PDLIM5: variants seen among roughly 807,000 people sequenced by gnomAD.
The protein encoded by PDLIM5 is PDZ and LIM domain 5.
PDLIM5 carries 34 observed loss-of-function variants against 64.2 expected under a neutral mutation model. That is an observed-to-expected ratio of 0.53 (90% CI 0.40 to 0.71). The LOEUF (loss-of-function observed/expected upper bound fraction) is 0.71. Among genes scored for constraint, PDLIM5 ranks in the 30% least tolerant of loss-of-function variants. PDLIM5 has a pLI of 0.00. For missense variants in PDLIM5, 683 were observed against 733.6 expected, an observed-to-expected ratio of 0.93 and a Z score of 0.80; for synonymous variants, 253 against 269.1, an observed-to-expected ratio of 0.94 and a Z score of 0.59.
intron 7 of PDLIM5, among the ~76,000 whole-genome samples, chr4:94,599,413 A>G (rs976535415): frequency 1.3e-5 from 2 of 152,190 alleles, no homozygotes; most frequent in African/African-American, 4.8e-5. Context: ...GAGATTGGTC[A>G]GAGTCAATTT....
intron 2 of PDLIM5, among the ~76,000 whole-genome samples, chr4:94,476,575 G>T (rs76870250): frequency 0.016 from 2,425 of 152,258 alleles, 37 homozygotes; most frequent in Non-Finnish European, 0.024. Flanking sequence ...CATTCTTTAT[G>T]TAACAGTACA....
chr4:94,620,716 C>T (rs74336048), intron 8 of PDLIM5, among the ~76,000 whole-genome samples: 4,391 of 151,886 alleles, frequency 0.029, 215 homozygotes, highest in African/African-American at 0.098. Context: ...GTTATTTATA[C>T]AGTCTATTTT....
chr4:94,542,448 T>C (rs1731904819), intron 3 of PDLIM5, among the ~76,000 whole-genome samples: 1 of 152,140 alleles, frequency 6.6e-6, no homozygotes, highest in South Asian at 2.1e-4. Context: ...TACATTTTTT[T>C]CTCATTTGCC....
chr4:94,523,376 T>C (rs1730003924), intron 2 of PDLIM5, among the ~76,000 whole-genome samples: 1 of 152,344 alleles, frequency 6.6e-6, no homozygotes, highest in Middle Eastern at 3.4e-3. Flanking sequence ...GATTGCATTC[T>C]TTTTATTCTG....
chr4:94,620,986 A>ACTTGGAGGCAGGAGAATCG (rs1560746291), intron 8 of PDLIM5, among the ~76,000 whole-genome samples: 1 of 146,246 alleles, frequency 6.8e-6, no homozygotes, highest in African/African-American at 2.5e-5. Flanking sequence ...CAGGAGAATC[A>ACTTGGAGGCAGGAGAATCG]CTTGAACCCA....
chr4:94,508,053 A>G (rs1441493409), intron 2 of PDLIM5, among the ~76,000 whole-genome samples: 1 of 152,246 alleles, frequency 6.6e-6, no homozygotes, highest in Non-Finnish European at 1.5e-5. Context: ...CCACTGCAGT[A>G]GAACAAGAAT....
At chr4:94,536,933 C>T (rs1036064990) in intron 3 of PDLIM5, among the ~76,000 whole-genome samples, 3 of 152,112 alleles carry the variant, frequency 2.0e-5, no homozygotes, top group South Asian at 2.1e-4. Context: ...ATGCAAAACA[C>T]GGCAGAGTAT....
chr4:94,531,254 T>C (rs1422279712), intron 3 of PDLIM5, among the ~76,000 whole-genome samples: 1 of 152,198 alleles, frequency 6.6e-6, no homozygotes, highest in Non-Finnish European at 1.5e-5. Flanking sequence ...TGATTGATTA[T>C]GTCCCCCATC....
intron 7 of PDLIM5, among the ~76,000 whole-genome samples, chr4:94,608,399 T>G (rs1738102056): frequency 6.6e-6 from 1 of 152,232 alleles, no homozygotes; most frequent in African/African-American, 2.4e-5. Context: ...TCAAGAAATC[T>G]CTTTCATTTA....
chr4:94,520,491 A>G (rs979246793), intron 2 of PDLIM5, among the ~76,000 whole-genome samples: 8 of 152,200 alleles, frequency 5.3e-5, no homozygotes. Flanking sequence ...GCAAATGATG[A>G]ATGACTTTGT....
At chr4:94,623,917 G>T (rs1189586136) in intron 8 of PDLIM5, among the ~76,000 whole-genome samples, 1 of 152,132 alleles carries the variant, frequency 6.6e-6, no homozygotes, top group Non-Finnish European at 1.5e-5. Flanking sequence ...AATTAAGATC[G>T]TGAACATGAG....
chr4:94,503,678 A>G (rs1254081935), intron 2 of PDLIM5, among the ~76,000 whole-genome samples: 1 of 152,208 alleles, frequency 6.6e-6, no homozygotes, highest in Non-Finnish European at 1.5e-5. Flanking sequence ...AAAAAACCCA[A>G]ACATCTGATT....
At chr4:94,494,180 C>T (rs1219390800) in intron 2 of PDLIM5, among the ~76,000 whole-genome samples, 3 of 151,972 alleles carry the variant, frequency 2.0e-5, no homozygotes, top group African/African-American at 7.2e-5. Flanking sequence ...GTTACCCAGG[C>T]TGGTCTCCAA....
chr4:94,661,032 C>A (rs1742665229), intron 11 of PDLIM5, among the ~76,000 whole-genome samples: 1 of 151,858 alleles, frequency 6.6e-6, no homozygotes, highest in South Asian at 2.1e-4. Flanking sequence ...TCCAGTGAGC[C>A]GAGATCGCGC....
chr4:94,635,058 G>C (rs558709141), intron 8 of PDLIM5, among the ~76,000 whole-genome samples: 1 of 152,178 alleles, frequency 6.6e-6, no homozygotes, highest in East Asian at 1.9e-4. Context: ...CCAAAGAAAA[G>C]ATTAAATATG....
intron 3 of PDLIM5, among the ~76,000 whole-genome samples, chr4:94,534,477 T>A (rs1731150262): frequency 6.6e-6 from 1 of 152,150 alleles, no homozygotes; most frequent in Non-Finnish European, 1.5e-5. Context: ...CATAAAGAGA[T>A]TTATAATCTT....
At position 94,664,087 on chromosome 4, in the gene PDLIM5, A is replaced by G. The variant is rs1165799837; in HGVS notation, c.*20A>G. On this transcript the variant is annotated 3_prime_UTR_variant, in exon 13 of 13. Coordinates refer to ENST00000317968, the MANE Select transcript of PDLIM5 (RefSeq NM_006457.5). The stretch of plus-strand genomic sequence containing the variant: ...TTTTGAAAGTCAACAGTTCAGGAGA[A>G]GAGAAGGAATTTGAAGAGAAAAAGG... The G allele has an allele frequency of 1.3e-6, 2 of 1,537,576 alleles. No homozygotes were observed. Among genetic ancestry groups the G allele is most frequent in the African/African-American group, 1.4e-5 (1 of 72,582 alleles).
At chr4:94,607,985 A>C in intron 7 of PDLIM5, 2 of 1,026,890 alleles carry the variant, frequency 1.9e-6, no homozygotes, top group Non-Finnish European at 2.8e-6. Flanking sequence ...AAAAGATGGT[A>C]TAGATGATAA....
At chr4:94,662,307 A>G in intron 11 of PDLIM5, 115 bp from the exon 12 acceptor site, 1 of 518,566 alleles carries the variant, frequency 1.9e-6, no homozygotes, top group Non-Finnish European at 3.5e-6. Flanking sequence ...CAAATTCCTA[A>G]TATCTTTGTC....
Sources: allele counts gnomAD v4.1 joint callset (sites outside exome capture counted in the v4.1 genomes callset), GRCh38; gene constraint gnomAD v4.1.1; transcripts MANE v1.5; gene names NCBI Gene and HGNC (gene_info 2026-07-23, HGNC 2026-07-21).